The following SLIT3 variants were observed in gnomAD, a reference collection of about 807,000 sequenced individuals.
SLIT3 encodes the protein slit homolog 3 protein.
Under a neutral mutation model 184.0 loss-of-function variants are expected in SLIT3, and 68 were observed. The observed-to-expected ratio is 0.37, with a 90% CI of 0.30 to 0.45. SLIT3 has a LOEUF of 0.45. SLIT3 is among the 20% of genes least tolerant of loss of function. The probability of loss-of-function intolerance (pLI) is 1.00; values close to 1 mark genes in which losing one functional copy is unlikely to be tolerated. For synonymous variants in SLIT3, 831 were observed against 828.6 expected (o/e 1.00, Z -0.05); for missense variants, 1,707 against 2,026.0 (o/e 0.84, Z 3.02).
At chr5:169,009,722 C>T (rs1756068903) in intron 4 of SLIT3, among the ~76,000 whole-genome samples, 1 of 152,118 alleles carries the variant, frequency 6.6e-6, no homozygotes, top group Admixed American at 6.5e-5. Context: ...TCAGGTAAGA[C>T]ATCAGACATG....
chr5:169,293,342 G>A (rs1372974268), intron 1 of SLIT3, among the ~76,000 whole-genome samples: 1 of 152,012 alleles, frequency 6.6e-6, no homozygotes, highest in East Asian at 1.9e-4. Context: ...ATATCATCAA[G>A]CAAAGGAGGC....
At chr5:169,225,187 A>C (rs189685573) in intron 3 of SLIT3, among the ~76,000 whole-genome samples, 1 of 152,340 alleles carries the variant, frequency 6.6e-6, no homozygotes, top group East Asian at 1.9e-4. Context: ...AAGGCTCTAC[A>C]AGAAGTGTTT....
intron 4 of SLIT3, among the ~76,000 whole-genome samples, chr5:169,070,797 C>CAAAAAAAAAAAAAAA (rs34764320): frequency 8.6e-6 from 1 of 116,068 alleles, no homozygotes; most frequent in African/African-American, 3.1e-5. Context: ...ACATTTTCCT[C>CAAAAAAAAAAAAAAA]AAAAAAAAAA....
chr5:169,040,716 T>A (rs143215890), intron 4 of SLIT3, among the ~76,000 whole-genome samples: 81 of 152,344 alleles, frequency 5.3e-4, no homozygotes, highest in African/African-American at 1.9e-3. Flanking sequence ...TGGCACTGGA[T>A]TAAAAATCTC....
At chr5:168,885,027 G>A (rs989825500) in intron 4 of SLIT3, among the ~76,000 whole-genome samples, 1 of 152,092 alleles carries the variant, frequency 6.6e-6, no homozygotes, top group East Asian at 1.9e-4. Context: ...CTAAAATCTG[G>A]GCAGTCTAAA....
At position 168,969,642 on chromosome 5, in the gene SLIT3, A is replaced by G. The variant is rs1470046742; in HGVS notation, c.414-86306T>C. ...CAATCTGGCTGATAAACACATCTAGATGGTTTTCTGACAGGTTAGGAGCTG... is the reference window on the plus strand; with the variant it reads ...CAATCTGGCTGATAAACACATCTAGGTGGTTTTCTGACAGGTTAGGAGCTG... On this transcript the variant is annotated intron_variant, in intron 4 of 35. Transcript: ENST00000519560. Among the ~76,000 whole-genome samples the G allele has an allele frequency of 3.9e-5, 6 of 152,172 alleles. No individual in the cohort carries two copies. In the East Asian group the frequency reaches 1.2e-3, roughly 29 times the overall value.
chr5:169,271,773 A>G (rs894429054), intron 1 of SLIT3, among the ~76,000 whole-genome samples: 1 of 152,204 alleles, frequency 6.6e-6, no homozygotes, highest in Non-Finnish European at 1.5e-5. Context: ...CATGAGTCCA[A>G]GTCTCCTTTA....
chr5:168,749,803 G>A (rs1175801720), intron 18 of SLIT3, among the ~76,000 whole-genome samples, 168 bp from the exon 19 acceptor site: 4 of 152,076 alleles, frequency 2.6e-5, no homozygotes, highest in East Asian at 1.9e-4. Context: ...CCAGACCCTC[G>A]CCTCTGATGG....
chr5:169,108,614 A>C (rs536653638), intron 4 of SLIT3, among the ~76,000 whole-genome samples: 1 of 152,168 alleles, frequency 6.6e-6, no homozygotes, highest in African/African-American at 2.4e-5. Flanking sequence ...GGAATGGTTG[A>C]AGCCATGGCT....
intron 5 of SLIT3, among the ~76,000 whole-genome samples, chr5:168,864,617 T>C (rs372353001): frequency 3.3e-5 from 5 of 152,214 alleles, no homozygotes; most frequent in Non-Finnish European, 7.3e-5. Flanking sequence ...GTGTGAAAGA[T>C]GGCCCAGCAC....
chr5:168,947,624 A>G (rs1762523162), intron 4 of SLIT3, among the ~76,000 whole-genome samples: 1 of 152,156 alleles, frequency 6.6e-6, no homozygotes, highest in Non-Finnish European at 1.5e-5. Context: ...GCCAGTGTGA[A>G]AAGTGGGGGC....
At chr5:169,016,094 G>A (rs571387534) in intron 4 of SLIT3, among the ~76,000 whole-genome samples, 10 of 152,168 alleles carry the variant, frequency 6.6e-5, no homozygotes, top group East Asian at 1.9e-4. Context: ...AGCCCCAGCC[G>A]CAGACCAGGG....
chr5:168,819,654 C>T (rs1050884029), intron 7 of SLIT3, among the ~76,000 whole-genome samples: 1 of 152,148 alleles, frequency 6.6e-6, no homozygotes, highest in Non-Finnish European at 1.5e-5. Context: ...AATGGAACAA[C>T]AAAAATGACG....
chr5:168,863,407 T>C (rs1759182931), intron 5 of SLIT3, among the ~76,000 whole-genome samples: 1 of 152,202 alleles, frequency 6.6e-6, no homozygotes, highest in Admixed American at 6.5e-5. Flanking sequence ...CCAAAGGTCA[T>C]GGGGTTGGCT....
At chr5:168,673,965 A>G (rs1044147271) in intron 32 of SLIT3, among the ~76,000 whole-genome samples, 3 of 152,180 alleles carry the variant, frequency 2.0e-5, no homozygotes, top group African/African-American at 7.2e-5. Flanking sequence ...GTTCTTTTCA[A>G]TTGCCCAATT....
intron 30 of SLIT3, 127 bp downstream of exon 30, chr5:168,686,852 C>T: frequency 9.6e-7 from 1 of 1,039,704 alleles, no homozygotes; most frequent in Non-Finnish European, 1.4e-6. Context: ...GGAATAAAGG[C>T]ATCACCCAGA....
At chr5:169,209,583 G>C (rs1407988189) in intron 3 of SLIT3, among the ~76,000 whole-genome samples, 1 of 151,774 alleles carries the variant, frequency 6.6e-6, no homozygotes, top group Non-Finnish European at 1.5e-5. Context: ...AGAAAAGGTG[G>C]CATATATGCC....
At chr5:169,058,617 G>A (rs78097174) in intron 4 of SLIT3, among the ~76,000 whole-genome samples, 1,910 of 152,352 alleles carry the variant, frequency 0.013, 44 homozygotes, top group African/African-American at 0.042. Flanking sequence ...TCATGTCACA[G>A]TGTCAAAAGC....
chr5:168,794,741 A>AT (rs1756506293), intron 10 of SLIT3, among the ~76,000 whole-genome samples: 1 of 152,110 alleles, frequency 6.6e-6, no homozygotes, highest in Non-Finnish European at 1.5e-5. Context: ...CACAAGCCCC[A>AT]TCCTCTCCCC....
Sources: allele counts gnomAD v4.1 joint callset (sites outside exome capture counted in the v4.1 genomes callset), GRCh38; gene constraint gnomAD v4.1.1; transcripts MANE v1.5; gene names NCBI Gene and HGNC (gene_info 2026-07-23, HGNC 2026-07-21).